The following BMP2K variants were observed in gnomAD, a reference collection of about 807,000 sequenced individuals.
BMP2K encodes BMP2 inducible kinase, also known as BMP-2-inducible protein kinase.
A neutral mutation model predicts 116.0 loss-of-function variants in BMP2K; 74 were observed. The ratio of observed to expected loss-of-function variants is 0.64; its 90% CI spans 0.53 to 0.77. BMP2K has a LOEUF of 0.77. BMP2K is among the 30% of genes least tolerant of loss of function. The pLI, the probability that BMP2K is intolerant of heterozygous loss-of-function variation, is 0.00. For missense variants in BMP2K, 1,365 were observed against 1,403.6 expected, an observed-to-expected ratio of 0.97 and a Z score of 0.44; for synonymous variants, 486 against 502.5, an observed-to-expected ratio of 0.97 and a Z score of 0.44.
At position 78,871,852 on chromosome 4, in the gene BMP2K, T is replaced by G; in HGVS notation, c.1512T>G (p.Tyr504Ter). The change falls in exon 12 of 16, where the codon TAT becomes TAG. Residue 504 changes from tyrosine to a stop codon, truncating the protein, a stop_gained and splice_region_variant. Transcript: ENST00000502613. LOFTEE classifies it high-confidence loss of function. ...HLLQDAYMQQYQHATQQQQML... is the reference protein window; with the variant it reads ...HLLQDAYMQQ The stretch of plus-strand genomic sequence containing the variant: ...TTAATTTGATTTTCTCGTTGTAGTA[T>G]CAACATGCAACACAGCAGCAACAGA... The G allele has an allele frequency of 6.2e-7, 1 of 1,608,454 alleles. No individual in the cohort carries two copies. Among genetic ancestry groups the G allele is most frequent in the Non-Finnish European group, 8.5e-7 (1 of 1,176,984 alleles).
At chr4:78,822,122 A>G (rs1319274050) in intron 1 of BMP2K, among the ~76,000 whole-genome samples, 1 of 152,218 alleles carries the variant, frequency 6.6e-6, no homozygotes, top group South Asian at 2.1e-4. Flanking sequence ...ACTACAGTGT[A>G]TAACAATTGA....
At chr4:78,857,180 G>A (rs1419532427) in intron 7 of BMP2K, among the ~76,000 whole-genome samples, 1 of 152,040 alleles carries the variant, frequency 6.6e-6, no homozygotes, top group Non-Finnish European at 1.5e-5. Flanking sequence ...TTAATGTACT[G>A]TAATATTTTC....
chr4:78,812,205 G>A (rs1187517059), intron 1 of BMP2K, among the ~76,000 whole-genome samples: 7 of 152,118 alleles, frequency 4.6e-5, no homozygotes, highest in Non-Finnish European at 8.8e-5. Context: ...CTGACCTCAC[G>A]TGATCCACCC....
At chr4:78,873,577 G>GCAGCAT (rs1267655561) in intron 13 of BMP2K, among the ~76,000 whole-genome samples, 3 of 152,118 alleles carry the variant, frequency 2.0e-5, no homozygotes, top group Non-Finnish European at 4.4e-5. Context: ...AGGAGAAACA[G>GCAGCAT]CAGCATCAGT....
At position 78,872,641 on chromosome 4, in the gene BMP2K, C is replaced by A. The variant is rs765560686; in HGVS notation, c.1636C>A (p.Gln546Lys). The part of the protein sequence containing the change: ...MMPQYQQAFF[Q>K]QQMLAQHQPS... ...GCCGCAGTATCAGCAGGCTTTCTTT[C>A]AACAGCAGATGCTAGCTCAACATCA... The change falls in exon 13 of 16, where the codon CAA becomes AAA. Residue 546 changes from glutamine (Q) to lysine (K), a missense_variant. Gln to Lys is a moderately conservative substitution (Grantham distance 53). Transcript: ENST00000502613. The A allele has an allele frequency of 6.2e-7, 1 of 1,613,954 alleles. No individual in the cohort carries two copies. The highest frequency in any genetic ancestry group is 1.7e-5 in the Admixed American group (1 of 59,994).
At chr4:78,820,103 C>A (rs1004662542) in intron 1 of BMP2K, among the ~76,000 whole-genome samples, 2 of 152,144 alleles carry the variant, frequency 1.3e-5, no homozygotes, top group African/African-American at 4.8e-5. Flanking sequence ...ATGGAGAAAT[C>A]TTGAAGCAAC....
At chr4:78,901,002 G>A (rs1011932077) in intron 15 of BMP2K, among the ~76,000 whole-genome samples, 3 of 152,080 alleles carry the variant, frequency 2.0e-5, no homozygotes, top group Non-Finnish European at 4.4e-5. Context: ...AAAAATCTTA[G>A]TTCTATCACA....
In BMP2K at chr4:78,915,458, CTTTT is replaced by C. The variant is rs1205844912; in HGVS notation, c.*3428_*3431del. On this transcript the variant is annotated 3_prime_UTR_variant, in exon 16 of 16. Transcript: ENST00000502613. Reference sequence around the variant, plus strand: ...TAATATATTTAGAATGTGCAGTAAACTTTTTTCTCATTTTTTTTTCTTTTTAGCA... The same window carrying C: ...TAATATATTTAGAATGTGCAGTAAACTTCTCATTTTTTTTTCTTTTTAGCA... 1.3e-5 allele frequency: 2 copies of C among 151,754 alleles called. No individual in the cohort carries two copies. Among genetic ancestry groups the C allele is most frequent in the Non-Finnish European group, 2.9e-5 (2 of 67,834 alleles). 9.4% of individuals were successfully genotyped at this position (151,754 alleles called of 1,614,324 possible).
At chr4:78,850,898 G>C in intron 6 of BMP2K, 26 bp from the exon 7 acceptor site, 1 of 1,605,686 alleles carries the variant, frequency 6.2e-7, no homozygotes, top group South Asian at 1.1e-5. Context: ...GAGCTCTAAT[G>C]ATATTTATGC....
chr4:78,786,450 TG>T (rs1727736865), intron 1 of BMP2K, among the ~76,000 whole-genome samples: 2 of 149,570 alleles, frequency 1.3e-5, no homozygotes, highest in South Asian at 2.1e-4. Flanking sequence ...TGTGTGTGTG[TG>T]TTTTGAGACA....
rs760526198 is a variant in BMP2K at position 78,826,050 on chromosome 4, A to G, written c.192A>G (p.Thr64=). ...TTGTTTTTCTAGGTGGATTCTCCAC[A>G]GTTTTCCTCGTGCGTACTCACGGTG... ...EESLAEGGFS[T]VFLVRTHGGI... Residue 64 remains threonine, a synonymous_variant, in exon 2 of 16, where the codon ACA becomes ACG. Coordinates refer to ENST00000502613, the MANE Select transcript of BMP2K (RefSeq NM_198892.2). 17 of 1,612,662 alleles carry G rather than the reference A, an allele frequency of 1.1e-5. No homozygotes were observed. The highest frequency in any genetic ancestry group is 1.7e-5 in the Admixed American group (1 of 59,832).
intron 3 of BMP2K, among the ~76,000 whole-genome samples, chr4:78,838,444 A>G (rs1730600151): frequency 6.6e-6 from 1 of 152,230 alleles, no homozygotes; most frequent in Non-Finnish European, 1.5e-5. Flanking sequence ...TTCTTTATAG[A>G]AGAAATCCAG....
intron 2 of BMP2K, among the ~76,000 whole-genome samples, chr4:78,832,620 A>T (rs909099803): frequency 1.3e-5 from 2 of 152,056 alleles, no homozygotes; most frequent in Non-Finnish European, 2.9e-5. Flanking sequence ...TTGAGTCAAG[A>T]TATTATAGTC....
intron 1 of BMP2K, among the ~76,000 whole-genome samples, chr4:78,810,754 G>A (rs1729049884): frequency 6.6e-6 from 1 of 152,134 alleles, no homozygotes; most frequent in Non-Finnish European, 1.5e-5. Context: ...AGAAGGATGG[G>A]AATAAAGCAA....
At chr4:78,868,091 G>A (rs1208179889) in intron 10 of BMP2K, among the ~76,000 whole-genome samples, 4 of 152,028 alleles carry the variant, frequency 2.6e-5, no homozygotes, top group Non-Finnish European at 5.9e-5. Flanking sequence ...TAAAATAAAT[G>A]GAGTCATACT....
intron 2 of BMP2K, among the ~76,000 whole-genome samples, chr4:78,831,408 A>G (rs1248124468): frequency 6.6e-6 from 1 of 152,254 alleles, no homozygotes. Flanking sequence ...GGATTGCCAC[A>G]AACCTTTAAT....
rs369759418 is a variant in BMP2K at position 78,788,895 on chromosome 4, GT to G, written c.178+12194del. Among the ~76,000 whole-genome samples, 696 of 107,328 alleles carry G rather than the reference GT, an allele frequency of 6.5e-3. 2 individuals are homozygous for G. Among genetic ancestry groups the G allele is most frequent in the South Asian group, 0.015 (52 of 3,388 alleles). The allele number at this position is 107,328 out of a possible 152,430, so 70.4% of individuals were successfully genotyped here. A position where few individuals can be genotyped will look rare whatever the true frequency, so the allele number is the denominator to read the frequency against. On this transcript the variant is annotated intron_variant, in intron 1 of 15. Transcript: ENST00000502613. The stretch of plus-strand genomic sequence containing the variant: ...TTGTTTTCATCTTAGAATAGTGGCT[GT>G]TTTTTTTTTTTTTTTTTTTAAATAC...
intron 1 of BMP2K, among the ~76,000 whole-genome samples, chr4:78,812,535 C>G (rs1729141154): frequency 6.6e-6 from 1 of 152,148 alleles, no homozygotes; most frequent in Non-Finnish European, 1.5e-5. Context: ...TGTTGTCTGT[C>G]AAGACCTGTT....
chr4:78,822,027 A>T (rs146858890), intron 1 of BMP2K, among the ~76,000 whole-genome samples: 5 of 152,342 alleles, frequency 3.3e-5, no homozygotes, highest in African/African-American at 1.2e-4. Context: ...ATGTTCATAT[A>T]TAGTTATTAC....
Sources: allele counts gnomAD v4.1 joint callset (sites outside exome capture counted in the v4.1 genomes callset), GRCh38; gene constraint gnomAD v4.1.1; transcripts MANE v1.5; gene names NCBI Gene and HGNC (gene_info 2026-07-23, HGNC 2026-07-21).